The following KCNK2 variants were observed in gnomAD, a reference collection of about 807,000 sequenced individuals.
KCNK2 encodes potassium channel subfamily K member 2.
KCNK2 carries 21 observed loss-of-function variants against 40.5 expected under a neutral mutation model. The ratio of observed to expected loss-of-function variants is 0.52; its 90% confidence interval spans 0.37 to 0.75. KCNK2 has a LOEUF of 0.75. Ranked by LOEUF, KCNK2 falls within the 30% of genes least tolerant of loss-of-function variation. KCNK2 has a pLI of 0.00. For synonymous variants in KCNK2, 191 were observed against 202.2 expected, an observed-to-expected ratio of 0.94 and a Z score of 0.47; for missense variants, 399 against 531.6, an observed-to-expected ratio of 0.75 and a Z score of 2.45.
intron 2 of KCNK2, among the ~76,000 whole-genome samples, chr1:215,104,576 T>C (rs1351076760): frequency 2.6e-5 from 4 of 152,000 alleles, no homozygotes; most frequent in African/African-American, 7.2e-5. Context: ...ATTTTAGAAC[T>C]AGGGAAAAAT....
intron 1 of KCNK2, among the ~76,000 whole-genome samples, chr1:215,021,521 G>A (rs1297454033): frequency 4.0e-5 from 6 of 148,166 alleles, no homozygotes; most frequent in East Asian, 4.0e-4. Flanking sequence ...CTCTCTTCTG[G>A]AGCTGGGACA....
intron 5 of KCNK2, among the ~76,000 whole-genome samples, chr1:215,173,475 G>T (rs566703962): frequency 6.6e-6 from 1 of 152,276 alleles, no homozygotes; most frequent in South Asian, 2.1e-4. Context: ...AATCCTTTGG[G>T]TATATACCCA....
intron 3 of KCNK2, among the ~76,000 whole-genome samples, chr1:215,167,048 G>A (rs376505914): frequency 5.3e-5 from 8 of 152,066 alleles, no homozygotes; most frequent in Admixed American, 1.3e-4. Flanking sequence ...CAATGAACAC[G>A]GAATTGACTA....
intron 3 of KCNK2, among the ~76,000 whole-genome samples, chr1:215,145,603 T>C (rs1290552855): frequency 1.3e-5 from 2 of 152,202 alleles, no homozygotes; most frequent in Admixed American, 1.3e-4. Flanking sequence ...GACAATTTGA[T>C]GACAGAGGAA....
intron 3 of KCNK2, among the ~76,000 whole-genome samples, chr1:215,143,200 G>A (rs1488661788): frequency 6.6e-6 from 1 of 152,016 alleles, no homozygotes; most frequent in Non-Finnish European, 1.5e-5. Flanking sequence ...ATTTGTGCAT[G>A]TGCTATGCGT....
At chr1:215,187,743 C>T (rs898990321) in intron 5 of KCNK2, among the ~76,000 whole-genome samples, 1 of 151,198 alleles carries the variant, frequency 6.6e-6, no homozygotes, top group African/African-American at 2.4e-5. Context: ...CAGTGAAGTC[C>T]TTAACACTCC....
At chr1:215,008,975 G>A (rs1380186223) in intron 1 of KCNK2, among the ~76,000 whole-genome samples, 1 of 152,000 alleles carries the variant, frequency 6.6e-6, no homozygotes, top group African/African-American at 2.4e-5. Context: ...TTAAGACGGT[G>A]GAAACACCAG....
At chr1:215,007,055 A>G (rs1289436253) in intron 1 of KCNK2, among the ~76,000 whole-genome samples, 29 of 114,744 alleles carry the variant, frequency 2.5e-4, no homozygotes, top group South Asian at 8.9e-4. Context: ...GTGTGTATAT[A>G]TATATGTGTG....
intron 3 of KCNK2, among the ~76,000 whole-genome samples, chr1:215,152,204 G>C (rs1662714694): frequency 1.2e-5 from 1 of 80,382 alleles, no homozygotes; most frequent in Non-Finnish European, 3.7e-5. Flanking sequence ...TGCATACTGA[G>C]AGCCGTGTGG....
chr1:215,163,533 C>T (rs1413035013), intron 3 of KCNK2, among the ~76,000 whole-genome samples: 1 of 152,068 alleles, frequency 6.6e-6, no homozygotes, highest in African/African-American at 2.4e-5. Flanking sequence ...TTTGCCCATT[C>T]AGTGTGATAT....
chr1:215,196,097 T>G (rs1664852529), intron 6 of KCNK2, among the ~76,000 whole-genome samples: 1 of 152,088 alleles, frequency 6.6e-6, no homozygotes, highest in African/African-American at 2.4e-5. Flanking sequence ...ATTTTTTTTT[T>G]TTTTGAGATG....
At chr1:215,010,853 T>TTTTG (rs1333403999) in intron 1 of KCNK2, among the ~76,000 whole-genome samples, 27 of 76,452 alleles carry the variant, frequency 3.5e-4, no homozygotes, top group African/African-American at 2.7e-3. Flanking sequence ...GGACACAGAT[T>TTTTG]TTTTTTTTTT....
intron 2 of KCNK2, among the ~76,000 whole-genome samples, chr1:215,123,171 T>C (rs1003570914): frequency 2.6e-5 from 4 of 152,098 alleles, no homozygotes; most frequent in Non-Finnish European, 5.9e-5. Context: ...TAATTCAAAT[T>C]TTAGAACAAC....
At chr1:215,234,238 T>C (rs1191380307) in intron 6 of KCNK2, among the ~76,000 whole-genome samples, 1 of 152,224 alleles carries the variant, frequency 6.6e-6, no homozygotes, top group Non-Finnish European at 1.5e-5. Context: ...ATTTTGTTGC[T>C]TAGTTAGGAA....
chr1:215,211,011 C>T (rs1038978828), intron 6 of KCNK2, among the ~76,000 whole-genome samples: 1 of 152,224 alleles, frequency 6.6e-6, no homozygotes, highest in Middle Eastern at 3.4e-3. Flanking sequence ...CTAGCTTTCA[C>T]CTTTGCTTTA....
chr1:215,036,482 TTC>T (rs1017990888), intron 1 of KCNK2, among the ~76,000 whole-genome samples: 6 of 50,544 alleles, frequency 1.2e-4, no homozygotes, highest in Non-Finnish European at 3.3e-4. Flanking sequence ...TCCAATTTTG[TTC>T]TTTTTTTTTT....
At chr1:215,026,784 A>G (rs2102482359) in intron 1 of KCNK2, among the ~76,000 whole-genome samples, 1 of 152,138 alleles carries the variant, frequency 6.6e-6, no homozygotes, top group East Asian at 1.9e-4. Flanking sequence ...ACATAACTGA[A>G]TCTTGGAATT....
rs1398954474 is a variant in KCNK2 at position 215,007,027 on chromosome 1, A to ATGTGTG, written c.34+1073_34+1074insGTGTGT. On this transcript the variant is annotated intron_variant, in intron 1 of 6. Transcript: ENST00000391895. ...TATATATATATATATATATATATAT[A>ATGTGTG]TATATATATATGTGTGTGTGTGTAT... Among the ~76,000 whole-genome samples, 22 of 56,160 alleles carry ATGTGTG rather than the reference A, an allele frequency of 3.9e-4. 1 individual carries two copies. The highest frequency in any genetic ancestry group is 8.6e-4 in the African/African-American group (15 of 17,392). The allele number at this position is 56,160 out of a possible 152,430, so 36.8% of individuals were successfully genotyped here.
intron 5 of KCNK2, among the ~76,000 whole-genome samples, chr1:215,173,309 T>A (rs1663806905): frequency 6.6e-6 from 1 of 152,226 alleles, no homozygotes; most frequent in East Asian, 1.9e-4. Flanking sequence ...TCATCCTCTT[T>A]TATGGCTGCA....
Sources: allele counts gnomAD v4.1 joint callset (sites outside exome capture counted in the v4.1 genomes callset), GRCh38; gene constraint gnomAD v4.1.1; transcripts MANE v1.5; gene names NCBI Gene and HGNC (gene_info 2026-07-23, HGNC 2026-07-21).